Variants in WDR7 observed in about 807,000 individuals in gnomAD.
The protein encoded by WDR7 is WD repeat-containing protein 7.
WDR7 carries 46 observed loss-of-function variants against 169.4 expected under a neutral mutation model. The observed-to-expected ratio is 0.27, with a 90% CI of 0.21 to 0.35. WDR7 has a LOEUF of 0.35. WDR7 is among the 10% of genes least tolerant of loss of function. The pLI is 1.00. For missense variants in WDR7, 1,534 were observed against 1,859.3 expected (o/e 0.83, Z 3.22); for synonymous variants, 612 against 666.8 (o/e 0.92, Z 1.27).
At chr18:56,977,902 C>T (rs2047590062) in intron 26 of WDR7, among the ~76,000 whole-genome samples, 1 of 152,114 alleles carries the variant, frequency 6.6e-6, no homozygotes, top group South Asian at 2.1e-4. Flanking sequence ...TACTGTGTTG[C>T]TGTAATTTAT....
rs200337025 is a variant in WDR7, at chr18:56,688,732, GA to G, written c.717+1769del. ...TGACAGAGCAAGACTCTGTCTTGGG[GA>G]AAAAAAAAAAGGGGCAAGAGGATAC... On this transcript the variant is annotated intron_variant, in intron 7 of 27. Coordinates refer to ENST00000254442, the MANE Select transcript of WDR7 (RefSeq NM_015285.3). Among the ~76,000 whole-genome samples the G allele has an allele frequency of 3.7e-3, 529 of 143,640 alleles. 5 individuals are homozygous for G. In the East Asian group the frequency reaches 0.04, roughly 11 times the overall value. 94.2% of individuals were successfully genotyped at this position (143,640 alleles called of 152,430 possible). A position where few individuals can be genotyped will look rare whatever the true frequency, so the allele number is the denominator to read the frequency against.
intron 21 of WDR7, among the ~76,000 whole-genome samples, chr18:56,902,425 T>C (rs918064533): frequency 6.6e-6 from 1 of 152,120 alleles, no homozygotes; most frequent in Non-Finnish European, 1.5e-5. Flanking sequence ...AAAGCTATAT[T>C]TTTTAAATGC....
chr18:56,995,807 C>G (rs1303227860), intron 26 of WDR7, among the ~76,000 whole-genome samples: 1 of 152,198 alleles, frequency 6.6e-6, no homozygotes, highest in Non-Finnish European at 1.5e-5. Context: ...CCAGCGTCAG[C>G]TCTCTGAGCT....
intron 26 of WDR7, among the ~76,000 whole-genome samples, chr18:57,016,093 G>A (rs1019762823): frequency 1.3e-5 from 2 of 152,106 alleles, no homozygotes; most frequent in Admixed American, 6.5e-5. Flanking sequence ...CAGCCAACTG[G>A]GGAGGACGTA....
intron 25 of WDR7, among the ~76,000 whole-genome samples, chr18:56,943,936 T>C (rs2047065559): frequency 6.6e-6 from 1 of 151,540 alleles, no homozygotes; most frequent in South Asian, 2.1e-4. Context: ...TTAGTTTTTT[T>C]CACCTTCACC....
chr18:56,697,959 T>C (rs586464), intron 12 of WDR7, among the ~76,000 whole-genome samples: 138,972 of 151,780 alleles, frequency 0.92, 64,828 homozygotes, highest in Non-Finnish European at 1. Flanking sequence ...TTTGGGAGGC[T>C]GAGGCAGGCG....
At chr18:56,705,285 T>C (rs368514962) in intron 12 of WDR7, among the ~76,000 whole-genome samples, 2 of 151,956 alleles carry the variant, frequency 1.3e-5, no homozygotes, top group East Asian at 1.9e-4. Context: ...GAACCAGAGA[T>C]AGGGATAAGA....
At chr18:56,808,497 G>A (rs10503009) in intron 19 of WDR7, among the ~76,000 whole-genome samples, 127,493 of 152,110 alleles carry the variant, frequency 0.84, 53,562 homozygotes, top group East Asian at 0.98. Context: ...AGTCCTAGCA[G>A]TGTTTATCAC....
In WDR7 at chr18:56,701,972, C is replaced by T. The variant is rs546163143; in HGVS notation, c.1578+5510C>T. 4.6e-5 allele frequency among the ~76,000 whole-genome samples: 7 copies of T among 152,196 alleles called. No individual in the cohort carries two copies. The South Asian group carries it at 1.5e-3, about 32-fold the overall frequency. ...CAACTACAAAATTTACACAACACAGCGTGGTTAGAGAGAGAATGATTTTCA... is the reference window on the plus strand; with the variant it reads ...CAACTACAAAATTTACACAACACAGTGTGGTTAGAGAGAGAATGATTTTCA... On this transcript the variant is annotated intron_variant, in intron 12 of 27. Transcript: ENST00000254442.
chr18:56,745,887 C>T (rs2043694717), intron 14 of WDR7, among the ~76,000 whole-genome samples: 1 of 152,108 alleles, frequency 6.6e-6, no homozygotes, highest in South Asian at 2.1e-4. Flanking sequence ...TAAAGAAGCC[C>T]CTTGACCTCC....
chr18:56,982,672 T>G (rs2047663479), intron 26 of WDR7, among the ~76,000 whole-genome samples: 1 of 152,138 alleles, frequency 6.6e-6, no homozygotes, highest in East Asian at 1.9e-4. Context: ...TTATGGGACT[T>G]AAAAAAATCC....
intron 22 of WDR7, among the ~76,000 whole-genome samples, chr18:56,934,936 C>T (rs1398150739): frequency 6.6e-6 from 1 of 152,076 alleles, no homozygotes; most frequent in Non-Finnish European, 1.5e-5. Flanking sequence ...GATCACGTGC[C>T]ACATTTTAGT....
At chr18:56,768,505 G>A (rs1158114135) in intron 16 of WDR7, among the ~76,000 whole-genome samples, 1 of 152,104 alleles carries the variant, frequency 6.6e-6, no homozygotes, top group Non-Finnish European at 1.5e-5. Context: ...AGGGAGGTTA[G>A]AGAGATTGGT....
chr18:56,675,910 C>T (rs1289551539), intron 2 of WDR7, among the ~76,000 whole-genome samples: 1 of 152,058 alleles, frequency 6.6e-6, no homozygotes, highest in African/African-American at 2.4e-5. Flanking sequence ...GCCTTGATCT[C>T]CCAGGTTCAA....
chr18:57,005,646 G>A (rs535383004), intron 26 of WDR7, among the ~76,000 whole-genome samples: 19 of 152,146 alleles, frequency 1.2e-4, no homozygotes, highest in African/African-American at 4.6e-4. Flanking sequence ...TAGTACTATA[G>A]GTAATTTTTA....
chr18:56,842,291 C>T (rs1159292004), intron 20 of WDR7, among the ~76,000 whole-genome samples: 2 of 137,058 alleles, frequency 1.5e-5, no homozygotes, highest in Non-Finnish European at 3.0e-5. Flanking sequence ...CTTCAGAAGG[C>T]GGAAGAGCAA....
chr18:56,676,056 G>A (rs1000762730), intron 2 of WDR7, among the ~76,000 whole-genome samples: 2 of 152,028 alleles, frequency 1.3e-5, no homozygotes, highest in Admixed American at 6.6e-5. Context: ...GGGTGCTCTG[G>A]TGCTGGGTGA....
intron 13 of WDR7, among the ~76,000 whole-genome samples, chr18:56,719,029 A>T (rs2026256756): frequency 6.6e-6 from 1 of 152,236 alleles, no homozygotes; most frequent in Admixed American, 6.5e-5. Flanking sequence ...TTTAACTGGT[A>T]GTACATAGGC....
chr18:57,009,610 C>T (rs550532895), intron 26 of WDR7, among the ~76,000 whole-genome samples: 2 of 152,032 alleles, frequency 1.3e-5, no homozygotes, highest in African/African-American at 2.4e-5. Context: ...GTAATGTGTC[C>T]TAGTGAATAT....
Sources: allele counts gnomAD v4.1 joint callset (sites outside exome capture counted in the v4.1 genomes callset), GRCh38; gene constraint gnomAD v4.1.1; transcripts MANE v1.5; gene names NCBI Gene and HGNC (gene_info 2026-07-23, HGNC 2026-07-21).